The following DPP10 variants were observed in gnomAD, a reference collection of about 807,000 sequenced individuals.
DPP10 encodes dipeptidyl peptidase like 10.
A neutral mutation model predicts 120.9 loss-of-function variants in DPP10; 33 were observed. The ratio of observed to expected loss-of-function variants is 0.27; its 90% CI spans 0.21 to 0.37. DPP10 has a LOEUF of 0.37. Ranked by LOEUF, DPP10 falls within the 10% of genes least tolerant of loss-of-function variation. DPP10 has a pLI of 1.00. For missense variants in DPP10, 816 were observed against 942.8 expected, an observed-to-expected ratio of 0.87 and a Z score of 1.76; for synonymous variants, 337 against 326.1, an observed-to-expected ratio of 1.03 and a Z score of -0.36.
At chr2:114,740,531 T>G (rs1677943985) in intron 1 of DPP10, among the ~76,000 whole-genome samples, 1 of 152,072 alleles carries the variant, frequency 6.6e-6, no homozygotes, top group African/African-American at 2.4e-5. Context: ...AAAAAAAAAC[T>G]TAAATGTACT....
At chr2:115,305,393 G>A (rs753453938) in intron 1 of DPP10, among the ~76,000 whole-genome samples, 12 of 152,072 alleles carry the variant, frequency 7.9e-5, no homozygotes, top group Admixed American at 2.6e-4. Flanking sequence ...TACTTTCTAA[G>A]CACCTATTAA....
intron 21 of DPP10, among the ~76,000 whole-genome samples, chr2:115,820,441 T>G (rs1396188759): frequency 2.0e-5 from 3 of 152,040 alleles, no homozygotes; most frequent in Non-Finnish European, 4.4e-5. Flanking sequence ...CTTTTTTTTT[T>G]TTATTTCAAC....
Position 114,442,658 on chromosome 2 carries a change from C to T in DPP10, c.-121C>T. 1 of 1,099,388 alleles carries T rather than the reference C, an allele frequency of 9.1e-7. No homozygotes were observed. The allele number at this position is 1,099,388 out of a possible 1,614,324, so 68.1% of individuals were successfully genotyped here. On this transcript the variant is annotated 5_prime_UTR_variant, in exon 1 of 26. Coordinates refer to ENST00000410059, the MANE Select transcript of DPP10 (RefSeq NM_020868.6). The stretch of plus-strand genomic sequence containing the variant: ...GCAGAAACAGAAGCAGCAGAAGCAA[C>T]AGCAGTAGCAGCGGCAGCAGCAACA...
intron 21 of DPP10, among the ~76,000 whole-genome samples, chr2:115,828,929 G>A (rs573451587): frequency 1.3e-4 from 20 of 151,938 alleles, no homozygotes; most frequent in Non-Finnish European, 2.8e-4. Context: ...ATATATATTT[G>A]TTTCCTTGTT....
At chr2:114,805,529 C>T (rs1684649063) in intron 1 of DPP10, among the ~76,000 whole-genome samples, 1 of 152,238 alleles carries the variant, frequency 6.6e-6, no homozygotes. Flanking sequence ...CTAATATAAA[C>T]AAACACTTTC....
At chr2:115,244,220 A>G (rs1465933304) in intron 1 of DPP10, among the ~76,000 whole-genome samples, 4 of 58,020 alleles carry the variant, frequency 6.9e-5, no homozygotes, top group African/African-American at 2.0e-4. Flanking sequence ...GTGTGTGTAT[A>G]TATATATATA....
chr2:115,109,015 C>A (rs2049082586), intron 1 of DPP10, among the ~76,000 whole-genome samples: 1 of 141,398 alleles, frequency 7.1e-6, no homozygotes, highest in Non-Finnish European at 1.5e-5. Context: ...GAATTTATGT[C>A]ATTAAAGATG....
At chr2:114,721,604 T>A (rs1701710079) in intron 1 of DPP10, among the ~76,000 whole-genome samples, 1 of 152,312 alleles carries the variant, frequency 6.6e-6, no homozygotes, top group South Asian at 2.1e-4. Flanking sequence ...GGTCCTTAGC[T>A]ACTATCCTGA....
At chr2:115,812,338 C>G (rs974425869) in intron 19 of DPP10, among the ~76,000 whole-genome samples, 3 of 152,156 alleles carry the variant, frequency 2.0e-5, no homozygotes, top group Admixed American at 1.3e-4. Context: ...TCTATTTTCC[C>G]TGAAGAAGGT....
chr2:114,898,353 TGGGGGATG>T (rs1241952739), intron 1 of DPP10, among the ~76,000 whole-genome samples: 1 of 103,076 alleles, frequency 9.7e-6, no homozygotes, highest in Non-Finnish European at 2.0e-5. Flanking sequence ...TGTTGTGGGG[TGGGGGATG>T]GGGGGAGGGA....
chr2:115,598,177 G>A (rs1230945542), intron 5 of DPP10, among the ~76,000 whole-genome samples: 2 of 151,438 alleles, frequency 1.3e-5, no homozygotes, highest in Non-Finnish European at 3.0e-5. Flanking sequence ...ATATATTGGG[G>A]TCTTATGGGC....
chr2:115,500,581 G>A (rs951543890), intron 4 of DPP10, among the ~76,000 whole-genome samples: 2 of 151,980 alleles, frequency 1.3e-5, no homozygotes, highest in Non-Finnish European at 2.9e-5. Flanking sequence ...CAATCATTAA[G>A]TGATTATATA....
chr2:115,336,528 T>A lies in DPP10; in HGVS notation c.176-7289T>A, dbSNP rs571391345. 1.1e-4 allele frequency among the ~76,000 whole-genome samples: 17 copies of A among 151,894 alleles called. No homozygotes were observed. In the South Asian group the frequency reaches 3.5e-3, roughly 32 times the overall value. On this transcript the variant is annotated intron_variant, in intron 2 of 25. Transcript: ENST00000410059. ...ACTTTTAATAGCAACTATTAAAATATAGTAGGTTTTCAGACTTTCATACAT... is the reference window on the plus strand; with the variant it reads ...ACTTTTAATAGCAACTATTAAAATAAAGTAGGTTTTCAGACTTTCATACAT...
chr2:114,539,481 C>A (rs1402254002), intron 1 of DPP10, among the ~76,000 whole-genome samples: 1 of 152,100 alleles, frequency 6.6e-6, no homozygotes, highest in Non-Finnish European at 1.5e-5. Context: ...ATGCTTCAGT[C>A]CCCTAAACGT....
In DPP10 at chr2:114,685,253, C is replaced by T. The variant is rs141462846; in HGVS notation, c.60+242415C>T. Among the ~76,000 whole-genome samples the T allele has an allele frequency of 1.4e-3, 215 of 151,996 alleles. 2 individuals are homozygous for T. Among genetic ancestry groups the T allele is most frequent in the South Asian group, 8.1e-3 (39 of 4,816 alleles). ...ACTTGTGTGTTAATTTCCTCACTCCCGTAACTCATGAGAAAAACAACAACA... is the reference window on the plus strand; with the variant it reads ...ACTTGTGTGTTAATTTCCTCACTCCTGTAACTCATGAGAAAAACAACAACA... On this transcript the variant is annotated intron_variant, in intron 1 of 25. Transcript: ENST00000410059.
intron 13 of DPP10, among the ~76,000 whole-genome samples, chr2:115,773,387 T>A (rs1367485535): frequency 6.6e-6 from 1 of 152,104 alleles, no homozygotes; most frequent in East Asian, 1.9e-4. Flanking sequence ...TCTCTATGAA[T>A]TGAAGGTCAC....
chr2:114,849,233 C>T (rs1050924086), intron 1 of DPP10, among the ~76,000 whole-genome samples: 1 of 152,126 alleles, frequency 6.6e-6, no homozygotes, highest in Non-Finnish European at 1.5e-5. Context: ...CTGAGTGGTG[C>T]CCCAGCCCTT....
intron 1 of DPP10, among the ~76,000 whole-genome samples, chr2:114,654,218 A>T (rs1241474738): frequency 6.6e-6 from 1 of 152,154 alleles, no homozygotes; most frequent in African/African-American, 2.4e-5. Flanking sequence ...TTCTGCTTCT[A>T]CTTAGGTTCC....
intron 1 of DPP10, among the ~76,000 whole-genome samples, chr2:115,221,587 T>C (rs1038926753): frequency 6.6e-6 from 1 of 152,232 alleles, no homozygotes; most frequent in East Asian, 1.9e-4. Context: ...ACCTCTTCTT[T>C]AGAGTATTTT....
Sources: gnomAD v4.1 joint callset for allele counts (sites outside exome capture counted in the v4.1 genomes callset) on GRCh38, gnomAD v4.1.1 for gene constraint, MANE v1.5 for transcripts, NCBI Gene and HGNC (gene_info 2026-07-23, HGNC 2026-07-21) for gene names.